CUEDC1: variants seen among roughly 807,000 people sequenced by gnomAD.
CUEDC1 encodes the protein CUE domain containing 1, also known as CUE domain-containing protein 1.
CUEDC1 carries 30 observed loss-of-function variants against 43.7 expected under a neutral mutation model. The observed-to-expected ratio is 0.69, with a 90% CI of 0.51 to 0.93. The LOEUF (loss-of-function observed/expected upper bound fraction) is 0.93. CUEDC1 is among the 40% of genes least tolerant of loss of function. The pLI is 0.00. For missense variants in CUEDC1, 486 were observed against 549.0 expected, an observed-to-expected ratio of 0.89 and a Z score of 1.15; for synonymous variants, 223 against 223.6, an observed-to-expected ratio of 1.00 and a Z score of 0.02.
intron 1 of CUEDC1, among the ~76,000 whole-genome samples, chr17:57,904,609 A>G (rs16942511): frequency 0.012 from 1,872 of 152,292 alleles, 34 homozygotes; most frequent in African/African-American, 0.041. Flanking sequence ...CACAGGGGTC[A>G]TCAAGAGGCT....
At chr17:57,885,019 A>G (rs2074267456) in intron 2 of CUEDC1, among the ~76,000 whole-genome samples, 1 of 152,244 alleles carries the variant, frequency 6.6e-6, no homozygotes, top group Non-Finnish European at 1.5e-5. Flanking sequence ...GAATGACTGC[A>G]TGATTTCTGC....
intron 1 of CUEDC1, among the ~76,000 whole-genome samples, chr17:57,946,766 G>A (rs72839912): frequency 6.6e-6 from 1 of 152,158 alleles, no homozygotes; most frequent in Non-Finnish European, 1.5e-5. Flanking sequence ...TAATTGGGTG[G>A]GGGTTTTGTC....
At chr17:57,946,442 A>T (rs1224558428) in intron 1 of CUEDC1, among the ~76,000 whole-genome samples, 1 of 152,168 alleles carries the variant, frequency 6.6e-6, no homozygotes, top group Non-Finnish European at 1.5e-5. Flanking sequence ...AACCAACCAG[A>T]CTGGCCTCAA....
chr17:57,908,821 C>T (rs570842455), intron 1 of CUEDC1, among the ~76,000 whole-genome samples: 1 of 152,246 alleles, frequency 6.6e-6, no homozygotes, highest in African/African-American at 2.4e-5. Flanking sequence ...CACAGTGAAA[C>T]CCCGTCTCTA....
chr17:57,890,360 G>C (rs2074342004), intron 1 of CUEDC1, among the ~76,000 whole-genome samples: 1 of 152,230 alleles, frequency 6.6e-6, no homozygotes, highest in African/African-American at 2.4e-5. Context: ...TCCAGAGCTG[G>C]CTCTGTGACC....
At chr17:57,952,524 G>A (rs1322477275) in intron 1 of CUEDC1, among the ~76,000 whole-genome samples, 1 of 152,122 alleles carries the variant, frequency 6.6e-6, no homozygotes, top group Non-Finnish European at 1.5e-5. Flanking sequence ...ACCGCATCCG[G>A]CCTCCAATGC....
At chr17:57,914,339 C>T (rs944697753) in intron 1 of CUEDC1, among the ~76,000 whole-genome samples, 1 of 152,332 alleles carries the variant, frequency 6.6e-6, no homozygotes, top group Admixed American at 6.5e-5. Flanking sequence ...CAGGGTATCT[C>T]TGCTTCAAAG....
chr17:57,906,778 C>A (rs891944912), intron 1 of CUEDC1, among the ~76,000 whole-genome samples: 12 of 151,942 alleles, frequency 7.9e-5, no homozygotes, highest in Non-Finnish European at 2.9e-5. Context: ...CCGAGACCAG[C>A]CTGGCCAACA....
intron 7 of CUEDC1, 46 bp downstream of exon 7, chr17:57,869,076 G>C (rs1292310861): frequency 6.2e-7 from 1 of 1,601,510 alleles, no homozygotes; most frequent in Non-Finnish European, 8.5e-7. Context: ...CACAGGGCCT[G>C]TCTCAGAAAA....
At chr17:57,876,734 T>A (rs2074131271) in intron 3 of CUEDC1, among the ~76,000 whole-genome samples, 2 of 152,218 alleles carry the variant, frequency 1.3e-5, no homozygotes, top group African/African-American at 4.8e-5. Flanking sequence ...AAGGGATCTG[T>A]GCCTCTACTG....
intron 1 of CUEDC1, among the ~76,000 whole-genome samples, chr17:57,925,734 T>G (rs1242973683): frequency 6.6e-6 from 1 of 152,096 alleles, no homozygotes; most frequent in Admixed American, 6.5e-5. Flanking sequence ...TGAGGGAGAA[T>G]GGCAGGTCCC....
intron 7 of CUEDC1, 62 bp downstream of exon 7, chr17:57,869,060 G>C: frequency 4.5e-6 from 7 of 1,558,376 alleles, no homozygotes; most frequent in Non-Finnish European, 6.2e-6. Context: ...CTCACTCCTG[G>C]GAGGCCACAG....
intron 2 of CUEDC1, among the ~76,000 whole-genome samples, chr17:57,882,865 G>A (rs1024634646): frequency 7.2e-5 from 11 of 152,066 alleles, no homozygotes; most frequent in Non-Finnish European, 1.5e-4. Flanking sequence ...TATGTTAGTC[G>A]ACTGTTTATG....
chr17:57,923,081 C>T (rs1408698011), intron 1 of CUEDC1, among the ~76,000 whole-genome samples: 1 of 152,136 alleles, frequency 6.6e-6, no homozygotes, highest in Non-Finnish European at 1.5e-5. Context: ...CCACCTCGGC[C>T]TCCCAAAGTG....
rs530156556 is a variant in CUEDC1 at position 57,922,075 on chromosome 17, T to A, written c.-316+33150A>T. On this transcript the variant is annotated intron_variant, in intron 1 of 10. Coordinates refer to ENST00000577830, the MANE Select transcript of CUEDC1 (RefSeq NM_001271875.2). ...TTGCAGTGAGCCAAGATCACGCCAC[T>A]GCACTCCAGCCTGGGCAATAGAGAC... Among the ~76,000 whole-genome samples the A allele has an allele frequency of 1.7e-3, 263 of 152,224 alleles. 2 individuals are homozygous for A. The highest frequency in any genetic ancestry group is 6.1e-3 in the African/African-American group (254 of 41,524).
intron 1 of CUEDC1, among the ~76,000 whole-genome samples, chr17:57,942,089 C>A (rs2143211302): frequency 6.6e-6 from 1 of 152,224 alleles, no homozygotes; most frequent in Admixed American, 6.5e-5. Context: ...GCTCAGAATC[C>A]AAATTAAGGT....
At chr17:57,946,286 T>A (rs2074959197) in intron 1 of CUEDC1, among the ~76,000 whole-genome samples, 1 of 152,194 alleles carries the variant, frequency 6.6e-6, no homozygotes, top group East Asian at 1.9e-4. Context: ...TTCTCTCTTT[T>A]CAAAATAAAA....
chr17:57,869,209 T>A lies in CUEDC1; in HGVS notation c.869-16A>T. The stretch of plus-strand genomic sequence containing the variant: ...TCGCCAGTTCCTGGAAGGAGACACC[T>A]GCTGAAGGCCGGCCACCGTGGCCAG... On this transcript the variant is annotated splice_polypyrimidine_tract_variant and intron_variant, in intron 6 of 10. Transcript: ENST00000577830. The A allele has an allele frequency of 6.2e-7, 1 of 1,612,360 alleles. No homozygotes were observed. The highest frequency in any genetic ancestry group is 8.5e-7 in the Non-Finnish European group (1 of 1,179,176).
intron 1 of CUEDC1, among the ~76,000 whole-genome samples, chr17:57,905,005 G>A (rs538286051): frequency 2.0e-5 from 3 of 152,244 alleles, no homozygotes; most frequent in Admixed American, 2.0e-4. Flanking sequence ...TACAGTTTAC[G>A]GATTTTCCAG....
Sources: gnomAD v4.1 joint callset for allele counts (sites outside exome capture counted in the v4.1 genomes callset) on GRCh38, gnomAD v4.1.1 for gene constraint, MANE v1.5 for transcripts, NCBI Gene and HGNC (gene_info 2026-07-23, HGNC 2026-07-21) for gene names.